Variants in JAM2 observed in about 807,000 individuals in gnomAD.
JAM2 encodes the protein junctional adhesion molecule 2.
JAM2 carries 17 observed loss-of-function variants against 42.0 expected under a neutral mutation model. The ratio of observed to expected loss-of-function variants is 0.40; its 90% confidence interval spans 0.28 to 0.61. The LOEUF is 0.61. JAM2 is among the 20% of genes least tolerant of loss of function. JAM2 has a pLI of 0.37. For missense variants in JAM2, 319 were observed against 358.3 expected, an observed-to-expected ratio of 0.89 and a Z score of 0.89; for synonymous variants, 118 against 128.6, an observed-to-expected ratio of 0.92 and a Z score of 0.56.
intron 1 of JAM2, among the ~76,000 whole-genome samples, chr21:25,654,285 T>C (rs1231219714): frequency 6.6e-6 from 1 of 152,186 alleles, no homozygotes; most frequent in East Asian, 1.9e-4. Flanking sequence ...AAAATGTTGA[T>C]TGGAGCTTTA....
At position 25,717,431 on chromosome 21, in the gene JAM2, G is replaced by A. The variant is rs1568925170; in HGVS notation, c.*2759G>A. 1 of 404,634 alleles carries A rather than the reference G, an allele frequency of 2.5e-6. No individual in the cohort carries two copies. Among genetic ancestry groups the A allele is most frequent in the East Asian group, 4.1e-5 (1 of 24,424 alleles). 25.1% of individuals were successfully genotyped at this position (404,634 alleles called of 1,614,324 possible). A position where few individuals can be genotyped will look rare whatever the true frequency, so the allele number is the denominator to read the frequency against. ...TTAATTATTGTTGCTGTTGTAACTA[G>A]ATTTAATTTATTTTTAGTTGGAGGT... On this transcript the variant is annotated 3_prime_UTR_variant, in exon 10 of 10. Transcript: ENST00000480456.
intron 2 of JAM2, among the ~76,000 whole-genome samples, chr21:25,689,262 A>G (rs1350008506): frequency 6.6e-6 from 1 of 152,136 alleles, no homozygotes; most frequent in Non-Finnish European, 1.5e-5. Context: ...ACCATATTGG[A>G]TAGGTATTAA....
intron 1 of JAM2, among the ~76,000 whole-genome samples, chr21:25,665,839 G>A (rs1018665274): frequency 3.3e-5 from 5 of 151,958 alleles, no homozygotes; most frequent in Admixed American, 1.3e-4. Flanking sequence ...TCAGGAGTTC[G>A]AGAGCAGCTT....
rs1362936331 is a variant in JAM2 at position 25,715,282 on chromosome 21, G to T, written c.*610G>T. The stretch of plus-strand genomic sequence containing the variant: ...TCAAAAGAAATGCCTAATGGCTGGA[G>T]CCCACAGGTGTGCACCACAGGATTT... On this transcript the variant is annotated 3_prime_UTR_variant, in exon 10 of 10. Coordinates refer to ENST00000480456, the MANE Select transcript of JAM2 (RefSeq NM_021219.4). 1 of 152,228 alleles carries T rather than the reference G, an allele frequency of 6.6e-6. No individual in the cohort carries two copies. The highest frequency in any genetic ancestry group is 1.5e-5 in the Non-Finnish European group (1 of 68,060). 9.4% of individuals were successfully genotyped at this position (152,228 alleles called of 1,614,324 possible).
At chr21:25,696,251 G>C (rs1023597175) in intron 4 of JAM2, among the ~76,000 whole-genome samples, 1 of 152,178 alleles carries the variant, frequency 6.6e-6, no homozygotes. Flanking sequence ...AGTCAGGCGT[G>C]GCGGCGCGCG....
chr21:25,677,316 CCT>C (rs1295572810), intron 1 of JAM2, among the ~76,000 whole-genome samples: 3 of 152,082 alleles, frequency 2.0e-5, no homozygotes, highest in Admixed American at 6.6e-5. Flanking sequence ...TTCAACTAAT[CCT>C]CTTTTTTAAC....
intron 8 of JAM2, chr21:25,711,633 G>C (rs563734710): frequency 9.7e-6 from 3 of 309,788 alleles, no homozygotes; most frequent in Admixed American, 4.7e-5. Flanking sequence ...AATAAAGCCA[G>C]TGAGTTCAGA....
chr21:25,661,552 AT>A (rs11387039), intron 1 of JAM2, among the ~76,000 whole-genome samples: 1 of 151,902 alleles, frequency 6.6e-6, no homozygotes, highest in South Asian at 2.1e-4. Context: ...TAAAATATGT[AT>A]TTTTTTATTT....
At chr21:25,698,004 C>T (rs1270747611) in intron 4 of JAM2, among the ~76,000 whole-genome samples, 1 of 145,598 alleles carries the variant, frequency 6.9e-6, no homozygotes, top group Non-Finnish European at 1.5e-5. Flanking sequence ...CTCTCCCTCT[C>T]TCTCCCTCTC....
rs959146922 is a variant in JAM2, at chr21:25,714,820, C to T, written c.*148C>T. 5.3e-5 allele frequency: 27 copies of T among 512,270 alleles called. No homozygotes were observed. The African/African-American group carries it at 5.4e-4, about 10-fold the overall frequency. 31.7% of individuals were successfully genotyped at this position (512,270 alleles called of 1,614,324 possible). On this transcript the variant is annotated 3_prime_UTR_variant, in exon 10 of 10. Transcript: ENST00000480456. ...TTTAATTTTCATGACTACTAACTCA[C>T]CTGAACTTGCTATTTTAAACAAATA... is the stretch of plus-strand genomic sequence containing the variant.
intron 2 of JAM2, among the ~76,000 whole-genome samples, chr21:25,689,358 C>A (rs1262043705): frequency 6.6e-6 from 1 of 152,142 alleles, no homozygotes; most frequent in Non-Finnish European, 1.5e-5. Flanking sequence ...CCCAGCATGT[C>A]CCTGGCTGGA....
In JAM2 at chr21:25,714,847, T is replaced by C; in HGVS notation, c.*175T>C. Reference sequence around the variant, plus strand: ...TGAACTTGCTATTTTAAACAAATAGTTCTGTCGACACCTAAAATATAATCT... The same window carrying C: ...TGAACTTGCTATTTTAAACAAATAGCTCTGTCGACACCTAAAATATAATCT... On this transcript the variant is annotated 3_prime_UTR_variant, in exon 10 of 10. Coordinates refer to ENST00000480456, the MANE Select transcript of JAM2 (RefSeq NM_021219.4). The C allele has an allele frequency of 2.1e-6, 1 of 467,196 alleles. No homozygotes were observed. The highest frequency in any genetic ancestry group is 4.2e-5 in the Admixed American group (1 of 24,010). The allele number at this position is 467,196 out of a possible 1,614,324, so 28.9% of individuals were successfully genotyped here.
chr21:25,711,593 T>G (rs1406198865), intron 8 of JAM2: 1 of 317,772 alleles, frequency 3.1e-6, no homozygotes, highest in African/African-American at 2.2e-5. Flanking sequence ...CAAGTCTAGG[T>G]TGAAGTTCAG....
At chr21:25,699,230 C>T (rs545267991) in intron 5 of JAM2, among the ~76,000 whole-genome samples, 1 of 152,208 alleles carries the variant, frequency 6.6e-6, no homozygotes, top group Non-Finnish European at 1.5e-5. Context: ...TTAAGATTTT[C>T]GTAGACCCTA....
intron 1 of JAM2, among the ~76,000 whole-genome samples, chr21:25,642,024 T>G (rs2032460040): frequency 6.6e-6 from 1 of 152,152 alleles, no homozygotes; most frequent in Non-Finnish European, 1.5e-5. Flanking sequence ...AAGTGACATT[T>G]TCATCACATT....
intron 5 of JAM2, 102 bp downstream of exon 5, chr21:25,698,981 T>C: frequency 1.9e-6 from 2 of 1,039,992 alleles, no homozygotes; most frequent in Non-Finnish European, 2.9e-6. Flanking sequence ...TACCATTGCT[T>C]GCTAAGTGGA....
intron 7 of JAM2, among the ~76,000 whole-genome samples, chr21:25,708,892 C>G (rs2034326222): frequency 6.6e-6 from 1 of 151,856 alleles, no homozygotes; most frequent in Admixed American, 6.6e-5. Flanking sequence ...AAAATCTATC[C>G]AAGAGAAGCA....
chr21:25,702,011 A>G (rs981337346), intron 5 of JAM2, among the ~76,000 whole-genome samples, 159 bp from the exon 6 acceptor site: 2 of 152,214 alleles, frequency 1.3e-5, no homozygotes, highest in Non-Finnish European at 2.9e-5. Flanking sequence ...AACTCCTTGA[A>G]GTCATGGCAG....
chr21:25,654,247 T>C (rs915050006), intron 1 of JAM2, among the ~76,000 whole-genome samples: 1 of 152,226 alleles, frequency 6.6e-6, no homozygotes, highest in Non-Finnish European at 1.5e-5. Context: ...ACTTAGGGTA[T>C]GATTATTAAT....
Sources: allele counts gnomAD v4.1 joint callset (sites outside exome capture counted in the v4.1 genomes callset), GRCh38; gene constraint gnomAD v4.1.1; transcripts MANE v1.5; gene names NCBI Gene and HGNC (gene_info 2026-07-23, HGNC 2026-07-21).